SENP7: variants seen among roughly 807,000 people sequenced by gnomAD.
The protein encoded by SENP7 is sentrin-specific protease 7.
Under a neutral mutation model 141.2 loss-of-function variants are expected in SENP7, and 64 were observed. The observed-to-expected ratio is 0.45, with a 90% CI of 0.37 to 0.56. The LOEUF (loss-of-function observed/expected upper bound fraction) is 0.56. SENP7 is among the 20% of genes least tolerant of loss of function. The pLI, the probability that SENP7 is intolerant of heterozygous loss-of-function variation, is 0.00. For missense variants in SENP7, 1,025 were observed against 1,212.2 expected, an observed-to-expected ratio of 0.85 and a Z score of 2.29; for synonymous variants, 382 against 426.4, an observed-to-expected ratio of 0.90 and a Z score of 1.28.
At chr3:101,493,777 G>T in intron 3 of SENP7, 96 bp downstream of exon 3, 1 of 691,480 alleles carries the variant, frequency 1.4e-6, no homozygotes, top group Non-Finnish European at 2.3e-6. Flanking sequence ...AACCAAAAAA[G>T]GGACATATCA....
intron 17 of SENP7, among the ~76,000 whole-genome samples, chr3:101,336,455 C>T (rs1485644896): frequency 1.3e-5 from 2 of 152,110 alleles, no homozygotes. Flanking sequence ...GATTTAAGTA[C>T]CAACTAGTTC....
At chr3:101,475,918 A>G (rs1465403998) in intron 3 of SENP7, among the ~76,000 whole-genome samples, 2 of 152,132 alleles carry the variant, frequency 1.3e-5, no homozygotes, top group Non-Finnish European at 2.9e-5. Context: ...AGAATTAAAC[A>G]TCCCACTTTC....
At chr3:101,339,643 A>G (rs368729779) in intron 16 of SENP7, among the ~76,000 whole-genome samples, 4 of 151,880 alleles carry the variant, frequency 2.6e-5, no homozygotes, top group East Asian at 3.9e-4. Flanking sequence ...GCTTGAACCC[A>G]GGAGGCAGAG....
chr3:101,452,610 G>A (rs2107837699), intron 4 of SENP7, among the ~76,000 whole-genome samples: 1 of 152,226 alleles, frequency 6.6e-6, no homozygotes, highest in East Asian at 1.9e-4. Context: ...AACAAGAAAT[G>A]GGGAAAGCAT....
intron 4 of SENP7, among the ~76,000 whole-genome samples, chr3:101,446,591 A>G (rs987221024): frequency 6.6e-6 from 1 of 152,238 alleles, no homozygotes; most frequent in Non-Finnish European, 1.5e-5. Flanking sequence ...TTGGAATACA[A>G]CCATAAATCA....
chr3:101,338,258 C>T (rs1422019239), intron 16 of SENP7, among the ~76,000 whole-genome samples: 2 of 152,026 alleles, frequency 1.3e-5, no homozygotes, highest in Non-Finnish European at 2.9e-5. Flanking sequence ...AAAGTACCTG[C>T]CCCTGTAGAG....
At chr3:101,393,446 G>C (rs2060874206) in intron 6 of SENP7, among the ~76,000 whole-genome samples, 1 of 151,388 alleles carries the variant, frequency 6.6e-6, no homozygotes. Flanking sequence ...TCTCACTAGG[G>C]ATACGTACAT....
At chr3:101,490,829 A>G (rs1347114654) in intron 3 of SENP7, among the ~76,000 whole-genome samples, 1 of 152,200 alleles carries the variant, frequency 6.6e-6, no homozygotes, top group African/African-American at 2.4e-5. Context: ...AAATGCGGCA[A>G]GATACTTGCA....
chr3:101,332,939 T>C (rs2107125472), intron 17 of SENP7, 77 bp from the exon 18 acceptor site: 1 of 1,339,182 alleles, frequency 7.5e-7, no homozygotes, highest in East Asian at 2.7e-5. Flanking sequence ...CATTTTTATA[T>C]ATTGAAATAT....
intron 3 of SENP7, among the ~76,000 whole-genome samples, chr3:101,470,900 A>G (rs1038114493): frequency 6.6e-6 from 1 of 152,214 alleles, no homozygotes; most frequent in Non-Finnish European, 1.5e-5. Context: ...TCCCATTCAC[A>G]ATTGCTTCAA....
intron 14 of SENP7, among the ~76,000 whole-genome samples, chr3:101,343,389 AT>A (rs1559693149): frequency 6.6e-6 from 1 of 151,754 alleles, no homozygotes; most frequent in Non-Finnish European, 1.5e-5. Flanking sequence ...TATTAATTGG[AT>A]TTTTTTCTAA....
At chr3:101,351,799 C>G (rs1278766873) in intron 11 of SENP7, 148 bp from the exon 12 acceptor site, 1 of 591,738 alleles carries the variant, frequency 1.7e-6, no homozygotes. Flanking sequence ...AAATATTTCA[C>G]TACAAAGACT....
In SENP7 at chr3:101,357,575, A is replaced by C. The variant is rs866888865; in HGVS notation, c.1623+4140T>G. 44 of 1,235,582 alleles carry C rather than the reference A, an allele frequency of 3.6e-5. No individual in the cohort carries two copies. The Middle Eastern group carries it at 8.0e-4, about 22-fold the overall frequency. The allele number at this position is 1,235,582 out of a possible 1,614,324, so 76.5% of individuals were successfully genotyped here. ...AAGATATGAAAAATGTGGACATGACAATTTACAGTTTAAAAAAAGCTGTAA... is the reference window on the plus strand; with the variant it reads ...AAGATATGAAAAATGTGGACATGACCATTTACAGTTTAAAAAAAGCTGTAA... On this transcript the variant is annotated intron_variant, in intron 11 of 23. Transcript: ENST00000394095.
intron 4 of SENP7, among the ~76,000 whole-genome samples, chr3:101,446,658 C>T (rs1275784333): frequency 1.3e-5 from 2 of 152,098 alleles, no homozygotes; most frequent in Non-Finnish European, 2.9e-5. Context: ...ACAACATGCT[C>T]CTGAACAGCC....
intron 11 of SENP7, among the ~76,000 whole-genome samples, chr3:101,359,845 T>G (rs1158546554): frequency 6.6e-6 from 1 of 152,058 alleles, no homozygotes; most frequent in Admixed American, 6.6e-5. Context: ...CTTTACTAAT[T>G]TGTTTGTGGT....
chr3:101,507,625 G>C (rs1473384711), intron 1 of SENP7, among the ~76,000 whole-genome samples: 2 of 151,722 alleles, frequency 1.3e-5, no homozygotes. Context: ...TAAAACAGAA[G>C]TAGAGATGAA....
At position 101,328,654 on chromosome 3, in the gene SENP7, C is replaced by T; in HGVS notation, c.2787G>A (p.Met929Ile). ...TTACAGCATGTACCTACCTTTTACA[C>T]ATTTTCTTTGGTACTGACATATTCG... The part of the protein sequence containing the change: ...TESNMSVPKK[M>I]CKRPCILILD... Residue 929 changes from methionine to isoleucine, a missense_variant, in exon 21 of 24, where the codon ATG becomes ATA. Transcript: ENST00000394095. 6.2e-7 allele frequency: 1 copy of T among 1,609,054 alleles called. No homozygotes were observed. The highest frequency in any genetic ancestry group is 1.3e-5 in the African/African-American group (1 of 74,870).
intron 1 of SENP7, among the ~76,000 whole-genome samples, chr3:101,504,836 T>C (rs1286426231): frequency 1.3e-5 from 2 of 152,160 alleles, no homozygotes; most frequent in African/African-American, 2.4e-5. Flanking sequence ...CTGCACCACA[T>C]GGTGAGACCC....
chr3:101,513,189 T>A lies in SENP7; in HGVS notation c.-59A>T. On this transcript the variant is annotated 5_prime_UTR_variant, in exon 1 of 24. Coordinates refer to ENST00000394095, the MANE Select transcript of SENP7 (RefSeq NM_020654.5). ...CTGTCACCTCAGGACCCCTCCGGCT[T>A]GGAGAGGGAGGGGGAGGGGAAAGGA... The A allele has an allele frequency of 1.4e-6, 1 of 725,588 alleles. No homozygotes were observed. Among genetic ancestry groups the A allele is most frequent in the South Asian group, 1.4e-5 (1 of 70,512 alleles). 44.9% of individuals were successfully genotyped at this position (725,588 alleles called of 1,614,324 possible). A position where few individuals can be genotyped will look rare whatever the true frequency, so the allele number is the denominator to read the frequency against.
Sources: gnomAD v4.1 joint callset for allele counts (sites outside exome capture counted in the v4.1 genomes callset) on GRCh38, gnomAD v4.1.1 for gene constraint, MANE v1.5 for transcripts, NCBI Gene and HGNC (gene_info 2026-07-23, HGNC 2026-07-21) for gene names.